Variants in SNTB1 observed in about 807,000 individuals in gnomAD.
SNTB1 encodes syntrophin beta 1.
SNTB1 carries 36 observed loss-of-function variants against 48.9 expected under a neutral mutation model. That is an observed-to-expected ratio of 0.74 (90% CI 0.56 to 0.97). SNTB1 has a LOEUF of 0.97. SNTB1 is among the 50% of genes least tolerant of loss of function. The pLI is 0.00. For synonymous variants in SNTB1, 299 were observed against 294.6 expected (o/e 1.01, Z -0.15); for missense variants, 786 against 703.4 (o/e 1.12, Z -1.33).
In SNTB1 at chr8:120,548,747, C is replaced by T. The variant is rs1815425558; in HGVS notation, c.1333+15G>A. The T allele has an allele frequency of 6.2e-7, 1 of 1,612,508 alleles. No individual in the cohort carries two copies. Among genetic ancestry groups the T allele is most frequent in the Non-Finnish European group, 8.5e-7 (1 of 1,178,698 alleles). ...CCGTAACAATGTGTCCTTGGTAGCT[C>T]ACTGCAGTACTCACCAGTGCTGATT... On this transcript the variant is annotated intron_variant, in intron 5 of 6. Transcript: ENST00000517992.
intron 2 of SNTB1, among the ~76,000 whole-genome samples, chr8:120,642,345 T>C (rs1817210139): frequency 6.6e-6 from 1 of 152,174 alleles, no homozygotes; most frequent in Non-Finnish European, 1.5e-5. Flanking sequence ...AGGCTTCTTT[T>C]TAAAAAATCA....
intron 1 of SNTB1, among the ~76,000 whole-genome samples, chr8:120,724,813 G>C (rs1224609631): frequency 6.6e-6 from 1 of 152,210 alleles, no homozygotes; most frequent in African/African-American, 2.4e-5. Context: ...AGAGAGGCAA[G>C]CTGACTTAGA....
At chr8:120,670,292 A>C (rs895454002) in intron 2 of SNTB1, among the ~76,000 whole-genome samples, 2 of 152,238 alleles carry the variant, frequency 1.3e-5, no homozygotes, top group Admixed American at 1.3e-4. Flanking sequence ...GTTCCATGAC[A>C]CATGGGCTTT....
intron 3 of SNTB1, among the ~76,000 whole-genome samples, chr8:120,619,861 A>G (rs1316628283): frequency 6.6e-6 from 1 of 152,184 alleles, no homozygotes; most frequent in Non-Finnish European, 1.5e-5. Context: ...GCATGAAGGC[A>G]TGAAAGACAC....
chr8:120,661,973 T>G (rs1050084870), intron 2 of SNTB1, among the ~76,000 whole-genome samples: 2 of 152,204 alleles, frequency 1.3e-5, no homozygotes, highest in African/African-American at 4.8e-5. Context: ...GTCCTAAATT[T>G]GTGACTAGTA....
intron 3 of SNTB1, among the ~76,000 whole-genome samples, chr8:120,605,082 G>A (rs952447423): frequency 1.3e-5 from 2 of 152,148 alleles, no homozygotes; most frequent in African/African-American, 4.8e-5. Flanking sequence ...TCCTGAATTG[G>A]TCACTGCATA....
At chr8:120,798,037 G>GA (rs1301465903) in intron 1 of SNTB1, among the ~76,000 whole-genome samples, 1 of 151,822 alleles carries the variant, frequency 6.6e-6, no homozygotes, top group Non-Finnish European at 1.5e-5. Context: ...TACAAAGCAC[G>GA]AAAAAAGAGA....
At chr8:120,632,227 A>T (rs1191634678) in intron 3 of SNTB1, among the ~76,000 whole-genome samples, 1 of 152,202 alleles carries the variant, frequency 6.6e-6, no homozygotes, top group East Asian at 1.9e-4. Context: ...GACCCCGTGC[A>T]ATTTGCCACA....
At chr8:120,562,614 A>G (rs1041515760) in intron 4 of SNTB1, among the ~76,000 whole-genome samples, 7 of 152,206 alleles carry the variant, frequency 4.6e-5, no homozygotes, top group African/African-American at 1.7e-4. Flanking sequence ...AATATGCCCC[A>G]CATTTTCTAC....
intron 3 of SNTB1, 68 bp downstream of exon 3, chr8:120,632,376 T>G: frequency 7.2e-7 from 1 of 1,387,470 alleles, no homozygotes; most frequent in South Asian, 1.2e-5. Flanking sequence ...TGAGATAGTT[T>G]TAGTGGTTAT....
At chr8:120,628,210 T>C (rs543796186) in intron 3 of SNTB1, among the ~76,000 whole-genome samples, 11 of 152,214 alleles carry the variant, frequency 7.2e-5, no homozygotes, top group Non-Finnish European at 1.6e-4. Flanking sequence ...GAATGCCTGA[T>C]GAACTGAGCA....
chr8:120,571,702 T>C (rs1311778565), intron 4 of SNTB1, among the ~76,000 whole-genome samples: 1 of 151,970 alleles, frequency 6.6e-6, no homozygotes, highest in African/African-American at 2.4e-5. Context: ...TTTTGCCATG[T>C]TGGTCAGGCT....
intron 2 of SNTB1, among the ~76,000 whole-genome samples, chr8:120,661,275 G>C (rs945280004): frequency 6.6e-6 from 1 of 151,624 alleles, no homozygotes; most frequent in African/African-American, 2.4e-5. Flanking sequence ...AGGAAAAGCA[G>C]AAACCAAAGT....
intron 2 of SNTB1, chr8:120,654,745 A>G: frequency 3.7e-6 from 1 of 269,988 alleles, no homozygotes; most frequent in Non-Finnish European, 7.3e-6. Context: ...TCATGGAGCC[A>G]AGTGATATTT....
intron 2 of SNTB1, among the ~76,000 whole-genome samples, chr8:120,639,883 A>T (rs1262767093): frequency 6.6e-6 from 1 of 152,094 alleles, no homozygotes; most frequent in Non-Finnish European, 1.5e-5. Flanking sequence ...TTCCATACGA[A>T]CTTTAAAGTA....
At chr8:120,667,157 GACCATCATAGTTCACTGCAGCGGC>G (rs1415419555) in intron 2 of SNTB1, among the ~76,000 whole-genome samples, 1 of 30,628 alleles carries the variant, frequency 3.3e-5, no homozygotes, top group Non-Finnish European at 8.6e-5. Context: ...GCTGCAGTGG[GACCATCATAGTTCACTGCAGCGGC>G]ACCATCATAG....
At chr8:120,709,937 ATAG>A (rs994878327) in intron 1 of SNTB1, among the ~76,000 whole-genome samples, 21 of 152,190 alleles carry the variant, frequency 1.4e-4, no homozygotes, top group Non-Finnish European at 2.6e-4. Flanking sequence ...TATGCCATAA[ATAG>A]TAGTTCCCTT....
rs374250864 is a variant in SNTB1 at position 120,799,330 on chromosome 8, TCAAAAA to T, written c.571+11937_571+11942del. On this transcript the variant is annotated intron_variant, in intron 1 of 6. Coordinates refer to ENST00000517992, the MANE Select transcript of SNTB1 (RefSeq NM_021021.4). ...AAATTATCAGATATGCATAGCACACTCAAAAACAAAGTAGAGAAAAAGGAACTTGGA... is the reference window on the plus strand; with the variant it reads ...AAATTATCAGATATGCATAGCACACTCAAAGTAGAGAAAAAGGAACTTGGA... Among the ~76,000 whole-genome samples, 395 of 152,006 alleles carry T rather than the reference TCAAAAA, an allele frequency of 2.6e-3. 1 individual carries two copies. The highest frequency in any genetic ancestry group is 9.2e-3 in the African/African-American group (382 of 41,468).
intron 4 of SNTB1, among the ~76,000 whole-genome samples, chr8:120,549,944 G>C (rs993227589): frequency 1.3e-5 from 2 of 152,186 alleles, no homozygotes; most frequent in African/African-American, 4.8e-5. Flanking sequence ...AATGCCAGGT[G>C]TCTAAGCATA....
Sources: allele counts gnomAD v4.1 joint callset (sites outside exome capture counted in the v4.1 genomes callset), GRCh38; gene constraint gnomAD v4.1.1; transcripts MANE v1.5; gene names NCBI Gene and HGNC (gene_info 2026-07-23, HGNC 2026-07-21).